The following MTMR2 variants were observed in gnomAD, a reference collection of about 807,000 sequenced individuals.
MTMR2 encodes the protein myotubularin related protein 2, also known as phosphatidylinositol-3,5-bisphosphate 3-phosphatase MTMR2.
A neutral mutation model predicts 86.9 loss-of-function variants in MTMR2; 55 were observed. That is an observed-to-expected ratio of 0.63 (90% CI 0.51 to 0.79). MTMR2 has a LOEUF of 0.79. Among genes scored for constraint, MTMR2 ranks in the 30% least tolerant of loss-of-function variants. The pLI is 0.00. For synonymous variants in MTMR2, 241 were observed against 266.8 expected (o/e 0.90, Z 0.94); for missense variants, 659 against 772.3 (o/e 0.85, Z 1.74).
At chr11:95,840,367 C>T (rs1420672229) in intron 12 of MTMR2, among the ~76,000 whole-genome samples, 1 of 151,976 alleles carries the variant, frequency 6.6e-6, no homozygotes, top group African/African-American at 2.4e-5. Context: ...AAGTGGGGTC[C>T]TAATGTTTTG....
chr11:95,841,589 G>C (rs369133378), intron 12 of MTMR2, 28 bp downstream of exon 12: 2 of 1,496,294 alleles, frequency 1.3e-6, no homozygotes, highest in Non-Finnish European at 1.9e-6. Context: ...AAGGAGATGT[G>C]TAAGAATACA....
At chr11:95,889,853 T>C (rs1233054671) in intron 1 of MTMR2, among the ~76,000 whole-genome samples, 1 of 152,244 alleles carries the variant, frequency 6.6e-6, no homozygotes, top group Non-Finnish European at 1.5e-5. Flanking sequence ...ATACTTTGAA[T>C]TGGGTGTTAA....
intron 1 of MTMR2, among the ~76,000 whole-genome samples, chr11:95,923,086 G>A (rs1449768249): frequency 1.3e-5 from 2 of 152,048 alleles, no homozygotes; most frequent in Non-Finnish European, 2.9e-5. Flanking sequence ...TCCAAAACGC[G>A]TCTAGTTAAT....
Position 95,924,046 on chromosome 11 carries a change from C to A in MTMR2, c.-92G>T. On this transcript the variant is annotated 5_prime_UTR_variant, in exon 1 of 15. Transcript: ENST00000346299. ...AGGGCGGAGTGCTACGGACCGGGGC[C>A]GCAGTCAGGCCAGCGCCGGCCCGGG... 6.7e-7 allele frequency: 1 copy of A among 1,493,796 alleles called. No individual in the cohort carries two copies. Among genetic ancestry groups the A allele is most frequent in the Non-Finnish European group, 9.1e-7 (1 of 1,096,976 alleles). 92.5% of individuals were successfully genotyped at this position (1,493,796 alleles called of 1,614,324 possible).
intron 2 of MTMR2, among the ~76,000 whole-genome samples, chr11:95,874,085 G>C (rs555336805): frequency 6.6e-6 from 1 of 152,310 alleles, no homozygotes; most frequent in East Asian, 1.9e-4. Context: ...ATTTGGGGTG[G>C]AGAGTTCTGT....
At chr11:95,895,032 C>T (rs189898591) in intron 1 of MTMR2, among the ~76,000 whole-genome samples, 1 of 152,118 alleles carries the variant, frequency 6.6e-6, no homozygotes, top group Non-Finnish European at 1.5e-5. Flanking sequence ...TTTATTACCA[C>T]GCCCTTTCTA....
chr11:95,846,471 A>G (rs1323082897), intron 10 of MTMR2, among the ~76,000 whole-genome samples: 1 of 152,176 alleles, frequency 6.6e-6, no homozygotes, highest in Non-Finnish European at 1.5e-5. Context: ...GTTATAGGGA[A>G]TGCTGGTAGA....
At chr11:95,849,574 T>G in intron 9 of MTMR2, 100 bp downstream of exon 9, 1 of 1,079,378 alleles carries the variant, frequency 9.3e-7, no homozygotes, top group Middle Eastern at 2.6e-4. Context: ...ACCTATATGT[T>G]TACCACTGTA....
At chr11:95,886,582 T>A (rs1865520685) in intron 2 of MTMR2, among the ~76,000 whole-genome samples, 1 of 152,134 alleles carries the variant, frequency 6.6e-6, no homozygotes, top group Admixed American at 6.5e-5. Flanking sequence ...GTTAAGTAGT[T>A]TAAACTAATA....
At chr11:95,850,324 GATAA>G (rs781269941) in intron 8 of MTMR2, among the ~76,000 whole-genome samples, 22 of 151,088 alleles carry the variant, frequency 1.5e-4, no homozygotes, top group Admixed American at 2.0e-4. Flanking sequence ...TATACAATAA[GATAA>G]ATAAATAGTG....
rs116872715 is a variant in MTMR2 at position 95,860,789 on chromosome 11, G to A, written c.468+1203C>T. ...ATCTATGTTTCATTCAAGTATCAAC[G>A]CATTTAAAGAATGCCAGTAAATAAG... On this transcript the variant is annotated intron_variant, in intron 5 of 14. Transcript: ENST00000346299. 3.7e-3 allele frequency among the ~76,000 whole-genome samples: 570 copies of A among 152,180 alleles called. 2 individuals are homozygous for A. The highest frequency in any genetic ancestry group is 6.8e-3 in the Middle Eastern group (2 of 294).
rs189317232 is a variant in MTMR2 at position 95,835,001 on chromosome 11, T to C, written c.*289A>G. 518 of 394,928 alleles carry C rather than the reference T, an allele frequency of 1.3e-3. 4 individuals are homozygous for C. The highest frequency in any genetic ancestry group is 9.8e-3 in the African/African-American group (484 of 49,192). The allele number at this position is 394,928 out of a possible 1,614,324, so 24.5% of individuals were successfully genotyped here. A position where few individuals can be genotyped will look rare whatever the true frequency, so the allele number is the denominator to read the frequency against. On this transcript the variant is annotated 3_prime_UTR_variant, in exon 15 of 15. Coordinates refer to ENST00000346299, the MANE Select transcript of MTMR2 (RefSeq NM_016156.6). ...GATGCCAAAAATTTGTAACAGCATT[T>C]GCCTTTTAATAGAAACTTGTTCCCA... is the stretch of plus-strand genomic sequence containing the variant.
At chr11:95,844,475 G>A (rs1225114280) in intron 11 of MTMR2, among the ~76,000 whole-genome samples, 1 of 152,116 alleles carries the variant, frequency 6.6e-6, no homozygotes, top group African/African-American at 2.4e-5. Flanking sequence ...GGTCCCAGCA[G>A]GGCCAGCTTC....
chr11:95,876,692 T>G (rs1299969132), intron 2 of MTMR2, among the ~76,000 whole-genome samples: 3 of 152,182 alleles, frequency 2.0e-5, no homozygotes, highest in Non-Finnish European at 4.4e-5. Flanking sequence ...TACTACATAA[T>G]CAGTTTAGTA....
At chr11:95,868,073 C>G (rs1864684629) in intron 2 of MTMR2, among the ~76,000 whole-genome samples, 1 of 151,460 alleles carries the variant, frequency 6.6e-6, no homozygotes, top group Non-Finnish European at 1.5e-5. Context: ...CAAGACCAGC[C>G]TGGACAACAC....
Position 95,853,084 on chromosome 11 carries a change from T to C in MTMR2, c.655-2335A>G, listed in dbSNP as rs528724906. On this transcript the variant is annotated intron_variant, in intron 7 of 14. Transcript: ENST00000346299. Reference sequence around the variant, plus strand: ...ACACAGTTCACTGTACTTTTTATTATAGCACGTGAAAAATATATATTTCAT... The same window carrying C: ...ACACAGTTCACTGTACTTTTTATTACAGCACGTGAAAAATATATATTTCAT... Among the ~76,000 whole-genome samples the C allele has an allele frequency of 7.7e-4, 115 of 149,220 alleles. 1 individual carries two copies. The highest frequency in any genetic ancestry group is 5.9e-4 in the African/African-American group (24 of 40,966).
Position 95,844,815 on chromosome 11 carries a change from C to T in MTMR2, c.1386+138G>A. 3 of 812,826 alleles carry T rather than the reference C, an allele frequency of 3.7e-6. No individual in the cohort carries two copies. In the South Asian group the frequency reaches 4.5e-5, roughly 12 times the overall value. 50.4% of individuals were successfully genotyped at this position (812,826 alleles called of 1,614,324 possible). ...CATGTTAGGGATATCTTAATGCTTTCCAAAACAAGCAAAAACGTTTACCCC... is the reference window on the plus strand; with the variant it reads ...CATGTTAGGGATATCTTAATGCTTTTCAAAACAAGCAAAAACGTTTACCCC... On this transcript the variant is annotated intron_variant, in intron 11 of 14. Coordinates refer to ENST00000346299, the MANE Select transcript of MTMR2 (RefSeq NM_016156.6).
At chr11:95,915,703 C>T (rs563098508) in intron 1 of MTMR2, among the ~76,000 whole-genome samples, 45 of 152,142 alleles carry the variant, frequency 3.0e-4, no homozygotes, top group Admixed American at 1.8e-3. Flanking sequence ...AAGTAGAACC[C>T]GATGCAACAT....
At chr11:95,868,632 T>G (rs1864728777) in intron 2 of MTMR2, among the ~76,000 whole-genome samples, 1 of 152,016 alleles carries the variant, frequency 6.6e-6, no homozygotes, top group Non-Finnish European at 1.5e-5. Flanking sequence ...AATATATAAT[T>G]GATGTTGATC....
Sources: gnomAD v4.1 joint callset for allele counts (sites outside exome capture counted in the v4.1 genomes callset) on GRCh38, gnomAD v4.1.1 for gene constraint, MANE v1.5 for transcripts, NCBI Gene and HGNC (gene_info 2026-07-23, HGNC 2026-07-21) for gene names.